Variants in PDE11A observed in about 807,000 individuals in gnomAD.
PDE11A encodes the protein dual 3',5'-cyclic-AMP and -GMP phosphodiesterase 11A.
PDE11A carries 100 observed loss-of-function variants against 100.5 expected under a neutral mutation model. The observed-to-expected ratio is 1.00, with a 90% CI of 0.85 to 1.18. The LOEUF (loss-of-function observed/expected upper bound fraction) is 1.18. Among genes scored for constraint, PDE11A ranks in the 50% most tolerant of loss-of-function variants. PDE11A has a pLI of 0.00. For missense variants in PDE11A, 1,141 were observed against 1,152.6 expected (o/e 0.99, Z 0.15); for synonymous variants, 381 against 420.8 (o/e 0.91, Z 1.16).
At chr2:177,977,394 C>T (rs1483525353) in intron 2 of PDE11A, among the ~76,000 whole-genome samples, 1 of 144,924 alleles carries the variant, frequency 6.9e-6, no homozygotes, top group Admixed American at 6.9e-5. Flanking sequence ...ATGTGAAGGA[C>T]CTCTTCAAGG....
rs190848554 is a variant in PDE11A at position 177,948,097 on chromosome 2, C to T, written c.1072-42910G>A. 3.8e-4 allele frequency among the ~76,000 whole-genome samples: 58 copies of T among 151,784 alleles called. No individual in the cohort carries two copies. The East Asian group carries it at 7.2e-3, about 19-fold the overall frequency. On this transcript the variant is annotated intron_variant, in intron 2 of 19. Coordinates refer to ENST00000286063, the MANE Select transcript of PDE11A (RefSeq NM_016953.4). ...TGCATGTGTGTATATGTATACACTA[C>T]GTTTTCATTTAATATAACATGAAAA...
chr2:177,997,567 G>C, intron 2 of PDE11A: 1 of 877,432 alleles, frequency 1.1e-6, no homozygotes. Context: ...GTTCTTTTCT[G>C]TTCTCACCTG....
At chr2:177,713,649 G>A (rs1309894708) in intron 12 of PDE11A, among the ~76,000 whole-genome samples, 1 of 151,952 alleles carries the variant, frequency 6.6e-6, no homozygotes, top group Non-Finnish European at 1.5e-5. Context: ...CGCTTGAACC[G>A]GGAGACAGAG....
chr2:177,688,477 G>T (rs1244608999), intron 15 of PDE11A, among the ~76,000 whole-genome samples: 1 of 152,200 alleles, frequency 6.6e-6, no homozygotes, highest in African/African-American at 2.4e-5. Context: ...AGAAACAGGG[G>T]CATTTTTAGA....
chr2:177,880,888 C>G (rs2105703174), intron 4 of PDE11A, among the ~76,000 whole-genome samples: 1 of 152,280 alleles, frequency 6.6e-6, no homozygotes, highest in South Asian at 2.1e-4. Flanking sequence ...AATAAGGTCT[C>G]TAACCTTTTA....
At chr2:178,075,506 C>G (rs938445110), upstream of PDE11A, among the ~76,000 whole-genome samples, 1 of 142,914 alleles carries the variant, frequency 7.0e-6, no homozygotes, top group Non-Finnish European at 1.5e-5. Flanking sequence ...GAGCTGAGAT[C>G]GCACCACTGC....
intron 13 of PDE11A, among the ~76,000 whole-genome samples, chr2:177,706,769 T>C (rs920431097): frequency 2.0e-5 from 3 of 152,188 alleles, no homozygotes; most frequent in Non-Finnish European, 4.4e-5. Flanking sequence ...GCAGATTTGA[T>C]CATGTGATGT....
intron 3 of PDE11A, among the ~76,000 whole-genome samples, chr2:177,902,030 G>A (rs2084705250): frequency 6.6e-6 from 1 of 152,172 alleles, no homozygotes. Context: ...CTCCAGGATA[G>A]GAGAAAAAGA....
Position 177,840,265 on chromosome 2 carries a change from G to A in PDE11A, c.1486C>T (p.Arg496Cys), listed in dbSNP as rs143543408. The change falls in exon 6 of 20, where the codon CGC becomes TGC. Residue 496 changes from arginine (R) to cysteine (C), a missense_variant. Coordinates refer to ENST00000286063, the MANE Select transcript of PDE11A (RefSeq NM_016953.4). The part of the protein sequence containing the change: ...VNISDAYQDP[R>C]FDAEADQISG... ...GCTCCTCTTACCTCTGCATCAAAGC[G>A]CGGATCCTGGTAGGCATCACTGATG... 37 of 1,614,080 alleles carry A rather than the reference G, an allele frequency of 2.3e-5. No homozygotes were observed. Among genetic ancestry groups the A allele is most frequent in the East Asian group, 1.8e-4 (8 of 44,874 alleles).
chr2:177,711,185 A>G (rs905862825), intron 13 of PDE11A, among the ~76,000 whole-genome samples: 13 of 152,196 alleles, frequency 8.5e-5, no homozygotes. Flanking sequence ...TATACACATC[A>G]TGTGTGTGGC....
chr2:177,903,271 G>A (rs916145801), intron 3 of PDE11A, among the ~76,000 whole-genome samples: 1 of 152,112 alleles, frequency 6.6e-6, no homozygotes, highest in African/African-American at 2.4e-5. Context: ...TCTGCTTATA[G>A]ATCATGTCCT....
intron 2 of PDE11A, among the ~76,000 whole-genome samples, chr2:177,990,877 C>G (rs1203777030): frequency 6.7e-6 from 1 of 150,350 alleles, no homozygotes; most frequent in Non-Finnish European, 1.5e-5. Context: ...TCCTGCAGTC[C>G]CAGCTACTTG....
intron 2 of PDE11A, among the ~76,000 whole-genome samples, chr2:177,960,952 TTAGA>T (rs2085625063): frequency 6.6e-6 from 1 of 152,216 alleles, no homozygotes. Flanking sequence ...GATGTCAATC[TTAGA>T]TAGCAAATGC....
At chr2:177,738,621 C>T (rs2081828555) in intron 10 of PDE11A, among the ~76,000 whole-genome samples, 1 of 152,204 alleles carries the variant, frequency 6.6e-6, no homozygotes, top group Non-Finnish European at 1.5e-5. Context: ...ATCTTAATGG[C>T]TTCCTGCCTA....
In PDE11A at chr2:177,663,901, C is replaced by T. The variant is rs1197698140; in HGVS notation, c.2611G>A (p.Glu871Lys). ...RKDELPRLQL[E>K]WIDSICMPLY... ...GGCATGCAGATGCTATCAATCCACT[C>T]CAGTTGCAACCGAGGCAGTTCATCC... Residue 871 changes from glutamate (E) to lysine (K), a missense_variant, in exon 19 of 20, where the codon GAG becomes AAG. Physicochemically the swap from Glu to Lys is moderately conservative, Grantham distance 56 (BLOSUM62 1). Transcript: ENST00000286063. 1 of 1,611,478 alleles carries T rather than the reference C, an allele frequency of 6.2e-7. No individual in the cohort carries two copies. Among genetic ancestry groups the T allele is most frequent in the Non-Finnish European group, 8.5e-7 (1 of 1,177,584 alleles).
chr2:177,872,880 T>C (rs769246127), intron 5 of PDE11A, among the ~76,000 whole-genome samples: 3 of 152,184 alleles, frequency 2.0e-5, no homozygotes, highest in Non-Finnish European at 2.9e-5. Context: ...GGAACTCAGA[T>C]CTACACGAGG....
At chr2:177,804,622 C>T (rs1000730200) in intron 9 of PDE11A, among the ~76,000 whole-genome samples, 1 of 151,836 alleles carries the variant, frequency 6.6e-6, no homozygotes, top group Admixed American at 6.6e-5. Flanking sequence ...TACCTGCACC[C>T]ATATATTTAT....
chr2:177,863,928 G>A (rs1411690084), intron 5 of PDE11A, among the ~76,000 whole-genome samples: 1 of 151,912 alleles, frequency 6.6e-6, no homozygotes, highest in African/African-American at 2.4e-5. Flanking sequence ...GCAAACATAT[G>A]GAAACAAGTA....
chr2:177,731,000 T>A (rs10184562), intron 10 of PDE11A, among the ~76,000 whole-genome samples: 5,528 of 152,294 alleles, frequency 0.036, 380 homozygotes, highest in African/African-American at 0.13. Flanking sequence ...TCTATGAGTT[T>A]GATTACTCTA....
Sources: allele counts gnomAD v4.1 joint callset (sites outside exome capture counted in the v4.1 genomes callset), GRCh38; gene constraint gnomAD v4.1.1; transcripts MANE v1.5; gene names NCBI Gene and HGNC (gene_info 2026-07-23, HGNC 2026-07-21).